Variants in DNHD1 observed in about 807,000 individuals in gnomAD.
DNHD1 encodes the protein dynein heavy chain domain-containing protein 1.
A neutral mutation model predicts 458.1 loss-of-function variants in DNHD1; 383 were observed. The ratio of observed to expected loss-of-function variants is 0.84; its 90% CI spans 0.77 to 0.91. The LOEUF (loss-of-function observed/expected upper bound fraction) is 0.91. Among genes scored for constraint, DNHD1 ranks in the 40% least tolerant of loss-of-function variants. The pLI, the probability that DNHD1 is intolerant of heterozygous loss-of-function variation, is 0.00. For missense variants in DNHD1, 5,336 were observed against 5,866.1 expected (o/e 0.91, Z 2.95); for synonymous variants, 2,203 against 2,376.9 (o/e 0.93, Z 2.13).
chr11:6,555,388 A>G (rs1426508686), intron 24 of DNHD1, among the ~76,000 whole-genome samples: 2 of 152,230 alleles, frequency 1.3e-5, no homozygotes, highest in Non-Finnish European at 2.9e-5. Context: ...TTGTCCTTCT[A>G]TCTAAAGAAC....
intron 14 of DNHD1, among the ~76,000 whole-genome samples, chr11:6,535,716 G>T (rs373352872): frequency 9.2e-5 from 14 of 152,292 alleles, no homozygotes; most frequent in South Asian, 2.1e-4. Context: ...CATGCTTACA[G>T]TAAAATGCCA....
intron 4 of DNHD1, chr11:6,503,804 T>C (rs189032646): frequency 6.6e-6 from 1 of 152,316 alleles, no homozygotes; most frequent in Admixed American, 6.5e-5. Flanking sequence ...TAAAAAGCCC[T>C]ATTCAAGTCC....
At position 6,552,059 on chromosome 11, in the gene DNHD1, A is replaced by G. The variant is rs1404041665; in HGVS notation, c.7387+3126A>G. Among the ~76,000 whole-genome samples, 5 of 149,372 alleles carry G rather than the reference A, an allele frequency of 3.3e-5. 1 individual carries two copies. The highest frequency in any genetic ancestry group is 5.0e-5 in the African/African-American group (2 of 39,670). On this transcript the variant is annotated intron_variant, in intron 24 of 42. Transcript: ENST00000254579. ...GGAGTTCAAGACCAGCCTGGGCAGC[A>G]TAGTGGGACCCTCATTTAAAAAAAA...
Position 6,546,715 on chromosome 11 carries a change from C to T in DNHD1, c.5776C>T (p.His1926Tyr), listed in dbSNP as rs1186739219. Reference protein sequence around the residue: ...LFSILNGLHLHNLRGLLCALF... With the variant: ...LFSILNGLHLYNLRGLLCALF... ...TAGCATTCTCAATGGGCTCCACCTG[C>T]ACAACCTCCGAGGGCTGTTGTGTGC... is the stretch of plus-strand genomic sequence containing the variant. The change falls in exon 21 of 43, where the codon CAC becomes TAC. Residue 1926 changes from histidine (H) to tyrosine (Y), a missense_variant. By Grantham distance (83) the His-to-Tyr change is moderately conservative. Coordinates refer to ENST00000254579, the MANE Select transcript of DNHD1 (RefSeq NM_144666.3). The T allele has an allele frequency of 3.2e-5, 49 of 1,551,568 alleles. No individual in the cohort carries two copies. Among genetic ancestry groups the T allele is most frequent in the Non-Finnish European group, 4.3e-5 (49 of 1,146,982 alleles).
rs1021492190 is a variant in DNHD1, at chr11:6,533,816, C to T, written c.2641C>T (p.Gln881Ter). ...AGCACTGGACATCTCGGTGAGAAGG[C>T]AATTCGGGGAGTCACCCATCCCTCC... ...NEALDISVRR[Q>*]FGESPIPPCP... The change falls in exon 14 of 43, where the codon CAA (glutamine) becomes TAA (stop). Residue 881 changes from glutamine to a stop codon, truncating the protein, a stop_gained. Transcript: ENST00000254579. LOFTEE classifies it high-confidence loss of function. 4.5e-6 allele frequency: 7 copies of T among 1,551,306 alleles called. No homozygotes were observed. The highest frequency in any genetic ancestry group is 6.1e-6 in the Non-Finnish European group (7 of 1,146,890).
chr11:6,566,003 T>TGGGGC lies in DNHD1; in HGVS notation c.11053+12_11053+13insGGGGC. On this transcript the variant is annotated intron_variant, in intron 33 of 42. Coordinates refer to ENST00000254579, the MANE Select transcript of DNHD1 (RefSeq NM_144666.3). ...GGCAGCTGCTTGTGGTGAGAGCTGG[T>TGGGGC]CCCCACCCACCCTGGCCCCTTTTTG... The TGGGGC allele has an allele frequency of 6.6e-7, 1 of 1,509,078 alleles. No homozygotes were observed. The highest frequency in any genetic ancestry group is 9.0e-7 in the Non-Finnish European group (1 of 1,110,802). The allele number at this position is 1,509,078 out of a possible 1,614,324, so 93.5% of individuals were successfully genotyped here.
chr11:6,538,777 C>T lies in DNHD1; in HGVS notation c.3292C>T (p.Pro1098Ser), dbSNP rs1207733708. ...PLLTKLGSLH[P>S]QSLNCQCLLR... ...GCTCACTAAGCTGGGCAGCCTCCAC[C>T]CACAGAGCCTCAACTGCCAGTGTCT... Residue 1098 changes from proline (P) to serine (S), a missense_variant, in exon 16 of 43, where the codon CCA becomes TCA. By Grantham distance (74) the Pro-to-Ser change is moderately conservative (BLOSUM62 -1). This residue lies in a region of DNHD1 where 3,932 missense variants were observed against 4,365.6 expected (regional missense o/e 0.90). Coordinates refer to ENST00000254579, the MANE Select transcript of DNHD1 (RefSeq NM_144666.3). 9 of 1,532,036 alleles carry T rather than the reference C, an allele frequency of 5.9e-6. No homozygotes were observed. Among genetic ancestry groups the T allele is most frequent in the Non-Finnish European group, 7.9e-6 (9 of 1,135,438 alleles). 94.9% of individuals were successfully genotyped at this position (1,532,036 alleles called of 1,614,324 possible). A position where few individuals can be genotyped will look rare whatever the true frequency, so the allele number is the denominator to read the frequency against.
chr11:6,551,240 A>G (rs1268590824), intron 24 of DNHD1, among the ~76,000 whole-genome samples: 1 of 152,258 alleles, frequency 6.6e-6, no homozygotes, highest in Non-Finnish European at 1.5e-5. Context: ...TAATGTACCA[A>G]AAAAGAAATT....
chr11:6,568,081 C>T lies in DNHD1; in HGVS notation c.12377C>T (p.Ala4126Val). ...GGGCAGAAGCAACTGCAGGTGATAG[C>T]CCTGGGCTCTGAAGCCTGGGACCCA... ...QQGQKQLQVI[A>V]LGSEAWDPVS... The change falls in exon 37 of 43, where the codon GCC becomes GTC. Residue 4126 changes from alanine to valine, a missense_variant. Around this residue, in one of 4 missense-constraint regions of DNHD1, gnomAD observed 695 missense variants for 804.2 expected, o/e 0.86. Coordinates refer to ENST00000254579, the MANE Select transcript of DNHD1 (RefSeq NM_144666.3). 6.3e-7 allele frequency: 1 copy of T among 1,577,386 alleles called. No homozygotes were observed. The highest frequency in any genetic ancestry group is 8.6e-7 in the Non-Finnish European group (1 of 1,160,740).
intron 28 of DNHD1, among the ~76,000 whole-genome samples, chr11:6,559,527 C>G (rs1419548025): frequency 6.6e-6 from 1 of 152,174 alleles, no homozygotes; most frequent in Non-Finnish European, 1.5e-5. Flanking sequence ...TTCTGGCTGC[C>G]CCTAGTACCA....
rs547953838 is a variant in DNHD1, at chr11:6,509,000, C to T, written c.1041C>T (p.Thr347=). 41 of 1,614,204 alleles carry T rather than the reference C, an allele frequency of 2.5e-5. No individual in the cohort carries two copies. The highest frequency in any genetic ancestry group is 2.0e-4 in the South Asian group (18 of 91,088). The stretch of plus-strand genomic sequence containing the variant: ...GTAGCGAGACGATGACACTGGGTAC[C>T]TGGCACCATCACTGTGTTCTCTGGC... The part of the protein sequence containing the change: ...VEGSETMTLG[T]WHHHCVLWQQ... The change falls in exon 5 of 43, where the codon ACC becomes ACT. Residue 347 remains threonine, a synonymous_variant. Coordinates refer to ENST00000254579, the MANE Select transcript of DNHD1 (RefSeq NM_144666.3).
intron 19 of DNHD1, 106 bp from the exon 20 acceptor site, chr11:6,544,468 T>C (rs1324448038): frequency 1.0e-5 from 11 of 1,069,294 alleles, no homozygotes; most frequent in Non-Finnish European, 1.3e-5. Context: ...CAGAGTATTT[T>C]GCTTGGGCTG....
In DNHD1 at chr11:6,539,226, G is replaced by C. The variant is rs1853036444; in HGVS notation, c.3333G>C (p.Gly1111=). The change falls in exon 17 of 43, where the codon GGG becomes GGC. Residue 1111 remains glycine (G), a synonymous_variant. Transcript: ENST00000254579. ...TGTTTTCTCTACCTCCAGCCCTTGG[G>C]CTGGGCAGTCTCCAAACTATAGAAC... The part of the protein sequence containing the change: ...LNCQCLLRAL[G]LGSLQTIELL... 3.2e-6 allele frequency: 5 copies of C among 1,550,742 alleles called. No individual in the cohort carries two copies. Among genetic ancestry groups the C allele is most frequent in the Non-Finnish European group, 3.5e-6 (4 of 1,146,158 alleles).
chr11:6,508,861 C>G lies in DNHD1; in HGVS notation c.921-19C>G, dbSNP rs763457297. 21 of 1,613,166 alleles carry G rather than the reference C, an allele frequency of 1.3e-5. No individual in the cohort carries two copies. In the East Asian group the frequency reaches 3.6e-4, roughly 27 times the overall value. Reference sequence around the variant, plus strand: ...CCACGTTCCCAGGGCCTTCACTGATCAGAGCTCTTTTTTTAAAGGCCTTAC... The same window carrying G: ...CCACGTTCCCAGGGCCTTCACTGATGAGAGCTCTTTTTTTAAAGGCCTTAC... On this transcript the variant is annotated intron_variant, in intron 4 of 42. Coordinates refer to ENST00000254579, the MANE Select transcript of DNHD1 (RefSeq NM_144666.3).
chr11:6,558,857 T>C, intron 26 of DNHD1, 45 bp from the exon 27 acceptor site: 1 of 1,545,694 alleles, frequency 6.5e-7, no homozygotes, highest in Non-Finnish European at 8.8e-7. Context: ...CTTTCCTGTT[T>C]TCCTACAAGC....
In DNHD1 at chr11:6,567,251, G is replaced by T. The variant is rs1853726946; in HGVS notation, c.11742G>T (p.Leu3914=). 12 of 1,614,002 alleles carry T rather than the reference G, an allele frequency of 7.4e-6. No homozygotes were observed. Among genetic ancestry groups the T allele is most frequent in the Non-Finnish European group, 1.0e-5 (12 of 1,179,908 alleles). Residue 3914 remains leucine (L), a synonymous_variant, in exon 36 of 43, where the codon CTG becomes CTT. Transcript: ENST00000254579. The part of the protein sequence containing the change: ...ASHLLQLRAH[L]TRQLLGSTVT... ...ATCTACTGCAATTGAGAGCACACCT[G>T]ACCCGCCAGCTGCTGGGCAGCACCG...
At chr11:6,518,500 G>C (rs1490809926) in intron 7 of DNHD1, among the ~76,000 whole-genome samples, 4 of 152,130 alleles carry the variant, frequency 2.6e-5, no homozygotes, top group African/African-American at 9.7e-5. Flanking sequence ...CACTCAGTAG[G>C]CTCTTTCAAT....
chr11:6,562,861 A>C, intron 28 of DNHD1, 121 bp from the exon 29 acceptor site: 1 of 1,148,794 alleles, frequency 8.7e-7, no homozygotes, highest in South Asian at 1.6e-5. Flanking sequence ...GCCTACTTGG[A>C]GTTCAACGTG....
Position 6,545,460 on chromosome 11 carries a change from A to G in DNHD1, c.4521A>G (p.Pro1507=). 1 of 1,551,834 alleles carries G rather than the reference A, an allele frequency of 6.4e-7. No homozygotes were observed. The highest frequency in any genetic ancestry group is 8.7e-7 in the Non-Finnish European group (1 of 1,147,022). ...QHWIDLVQAF[P]WQCVLVAEEV... ...GGATCGACTTAGTCCAGGCCTTCCCATGGCAGTGTGTGCTGGTGGCAGAGG... is the reference window on the plus strand; with the variant it reads ...GGATCGACTTAGTCCAGGCCTTCCCGTGGCAGTGTGTGCTGGTGGCAGAGG... The change falls in exon 21 of 43, where the codon CCA becomes CCG. Residue 1507 remains proline (P), a synonymous_variant. Coordinates refer to ENST00000254579, the MANE Select transcript of DNHD1 (RefSeq NM_144666.3). The surrounding 1 kb of genome is among the most constrained non-coding windows in gnomAD (Gnocchi z 4.9).
Sources: gnomAD v4.1 joint callset for allele counts (sites outside exome capture counted in the v4.1 genomes callset) on GRCh38, gnomAD v4.1.1 for gene constraint, gnomAD v4.1.1 regional missense constraint, Gnocchi (gnomAD v3.1) non-coding constraint, MANE v1.5 for transcripts, NCBI Gene and HGNC (gene_info 2026-07-23, HGNC 2026-07-21) for gene names.